The following WDR27 variants were observed in gnomAD, a reference collection of about 807,000 sequenced individuals.
WDR27 encodes the protein WD repeat domain 27, also known as WD repeat-containing protein 27.
WDR27 carries 100 observed loss-of-function variants against 114.4 expected under a neutral mutation model. The ratio of observed to expected loss-of-function variants is 0.87; its 90% confidence interval spans 0.74 to 1.03. The LOEUF (loss-of-function observed/expected upper bound fraction) is 1.03. WDR27 is among the 50% of genes least tolerant of loss of function. The pLI, the probability that WDR27 is intolerant of heterozygous loss-of-function variation, is 0.00. For synonymous variants in WDR27, 449 were observed against 423.1 expected (o/e 1.06, Z -0.75); for missense variants, 1,129 against 1,092.9 (o/e 1.03, Z -0.47).
At chr6:169,688,079 G>A (rs1188425163) in intron 2 of WDR27, among the ~76,000 whole-genome samples, 2 of 151,866 alleles carry the variant, frequency 1.3e-5, no homozygotes, top group African/African-American at 2.4e-5. Flanking sequence ...TAATAAAAAA[G>A]GATAAAGTGT....
intron 25 of WDR27, among the ~76,000 whole-genome samples, chr6:169,461,246 G>C (rs867386483): frequency 1.3e-5 from 2 of 152,046 alleles, no homozygotes; most frequent in African/African-American, 4.8e-5. Flanking sequence ...AGGACATAGA[G>C]AATTTACACA....
At chr6:169,664,135 G>A (rs772414061) in intron 8 of WDR27, 31 bp downstream of exon 8, 1 of 1,542,370 alleles carries the variant, frequency 6.5e-7, no homozygotes, top group Admixed American at 2.0e-5. Context: ...GGGCCAAGTG[G>A]GAGGCCTGAG....
intron 21 of WDR27, among the ~76,000 whole-genome samples, chr6:169,615,653 T>C (rs1811646633): frequency 1.3e-5 from 2 of 152,090 alleles, no homozygotes; most frequent in Non-Finnish European, 2.9e-5. Flanking sequence ...TAGACTTAAA[T>C]GCAAAACCCA....
At chr6:169,438,625 A>G in the WDR27 span, among the ~76,000 whole-genome samples, 3 of 152,130 alleles carry the variant, frequency 2.0e-5, no homozygotes, top group African/African-American at 7.2e-5. Context: ...TAAAGTGTAC[A>G]CTCATAATCT....
At chr6:169,610,276 A>G (rs898913438) in intron 22 of WDR27, among the ~76,000 whole-genome samples, 14 of 152,132 alleles carry the variant, frequency 9.2e-5, no homozygotes, top group Non-Finnish European at 1.5e-4. Context: ...GTACCGATTT[A>G]CTGTATTAGT....
chr6:169,585,004 T>C (rs886773633), intron 23 of WDR27, among the ~76,000 whole-genome samples: 2 of 152,168 alleles, frequency 1.3e-5, no homozygotes, highest in African/African-American at 4.8e-5. Context: ...GAAATAAATC[T>C]AAATGTATAT....
rs1333084716 is a variant in WDR27, at chr6:169,659,692, CCA to C, written c.1130-176_1130-175del. On this transcript the variant is annotated intron_variant, in intron 10 of 25. Coordinates refer to ENST00000448612, the MANE Select transcript of WDR27 (RefSeq NM_182552.5). This position sits in a 1 kb window ranked among gnomAD's most constrained non-coding sequence, Gnocchi z 4.3. ...ATCCTCACACATACAAGGCCCCAGG[CCA>C]CACACACACCAGCGCACACACCACA... Among the ~76,000 whole-genome samples the C allele has an allele frequency of 6.6e-6, 1 of 151,872 alleles. No individual in the cohort carries two copies. The highest frequency in any genetic ancestry group is 6.6e-5 in the Admixed American group (1 of 15,250).
chr6:169,624,961 C>T (rs1038217536), intron 21 of WDR27, among the ~76,000 whole-genome samples: 1 of 152,220 alleles, frequency 6.6e-6, no homozygotes, highest in African/African-American at 2.4e-5. Flanking sequence ...GCAGCCCTCA[C>T]CCTCGGGGCC....
intron 1 of WDR27, among the ~76,000 whole-genome samples, chr6:169,700,440 G>C (rs1021291551): frequency 2.0e-5 from 3 of 152,208 alleles, no homozygotes; most frequent in Non-Finnish European, 4.4e-5. Flanking sequence ...TCTAGACACA[G>C]AACTAAACTA....
chr6:169,593,747 G>A (rs927124585), intron 23 of WDR27, among the ~76,000 whole-genome samples: 2 of 152,114 alleles, frequency 1.3e-5, no homozygotes, highest in Non-Finnish European at 2.9e-5. Flanking sequence ...TACTCAGGAG[G>A]CTGAGGCAGG....
downstream of WDR27, among the ~76,000 whole-genome samples, chr6:169,456,345 C>T (rs141475067): frequency 1.0e-3 from 155 of 152,224 alleles, no homozygotes; most frequent in Non-Finnish European, 1.7e-3. The surrounding 1 kb of genome is among the most constrained non-coding windows in gnomAD (Gnocchi z 4.0). Flanking sequence ...CACACTGCGT[C>T]TCTTGTGAAA....
rs766146529 is a variant in WDR27 at position 169,665,504 on chromosome 6, G to C, written c.765C>G (p.Thr255=). Residue 255 remains threonine, a synonymous_variant, in exon 7 of 26, where the codon ACC becomes ACG. Coordinates refer to ENST00000448612, the MANE Select transcript of WDR27 (RefSeq NM_182552.5). ...GTCTCACCTGGCCGTCAGCACACCC[G>C]GTGACCAGCTGCCTGCTTTCTGCAT... is the stretch of plus-strand genomic sequence containing the variant. ...FIDAESRQLV[T]GCADGQLWIF... 6.2e-7 allele frequency: 1 copy of C among 1,613,640 alleles called. No homozygotes were observed. Among genetic ancestry groups the C allele is most frequent in the Non-Finnish European group, 8.5e-7 (1 of 1,179,716 alleles).
At chr6:169,626,651 CAT>C (rs1446534115) in intron 21 of WDR27, among the ~76,000 whole-genome samples, 3 of 152,238 alleles carry the variant, frequency 2.0e-5, no homozygotes, top group East Asian at 1.9e-4. Flanking sequence ...CCGCTTTCCA[CAT>C]GAGTCCGCAC....
At chr6:169,657,062 A>C (rs1488062708) in intron 13 of WDR27, among the ~76,000 whole-genome samples, 6 of 152,260 alleles carry the variant, frequency 3.9e-5, no homozygotes, top group Admixed American at 3.9e-4. Context: ...TCACACCGAC[A>C]GTGGGTCTTT....
At chr6:169,665,236 T>A in intron 7 of WDR27, 1 of 1,238,706 alleles carries the variant, frequency 8.1e-7, no homozygotes, top group Non-Finnish European at 1.0e-6. Flanking sequence ...TCACTTTTGC[T>A]GCACTCCAGA....
At chr6:169,583,301 GAA>G (rs1202818129) in intron 23 of WDR27, among the ~76,000 whole-genome samples, 20 of 21,286 alleles carry the variant, frequency 9.4e-4, no homozygotes, top group African/African-American at 1.8e-3. Flanking sequence ...AAATTGAATG[GAA>G]AAAAAAAAAA....
At chr6:169,531,898 C>T (rs940532795) in intron 25 of WDR27, among the ~76,000 whole-genome samples, 1 of 152,164 alleles carries the variant, frequency 6.6e-6, no homozygotes, top group African/African-American at 2.4e-5. Context: ...CCGCCTGTCT[C>T]GGCCTTTATT....
At chr6:169,461,289 T>C (rs904224746) in intron 25 of WDR27, among the ~76,000 whole-genome samples, 2 of 152,082 alleles carry the variant, frequency 1.3e-5, no homozygotes, top group African/African-American at 4.8e-5. Flanking sequence ...GCTAAACACT[T>C]TACCAAACAA....
At chr6:169,460,653 GA>G (rs1191773187) in intron 25 of WDR27, among the ~76,000 whole-genome samples, 3 of 152,054 alleles carry the variant, frequency 2.0e-5, no homozygotes, top group African/African-American at 7.2e-5. Context: ...TGACAGAATG[GA>G]TTAAAAACAC....
Sources: gnomAD v4.1 joint callset for allele counts (sites outside exome capture counted in the v4.1 genomes callset) on GRCh38, gnomAD v4.1.1 for gene constraint, Gnocchi (gnomAD v3.1) non-coding constraint, MANE v1.5 for transcripts, NCBI Gene and HGNC (gene_info 2026-07-23, HGNC 2026-07-21) for gene names.